The following NAV3 variants were observed in gnomAD, a reference collection of about 807,000 sequenced individuals.
The protein encoded by NAV3 is neuron navigator 3, also known as pore membrane and/or filament interacting like protein 1.
A neutral mutation model predicts 244.7 loss-of-function variants in NAV3; 87 were observed. The ratio of observed to expected loss-of-function variants is 0.36; its 90% CI spans 0.30 to 0.42. NAV3 has a LOEUF of 0.42. Ranked by LOEUF, NAV3 falls within the 20% of genes least tolerant of loss-of-function variation. The probability of loss-of-function intolerance (pLI) is 1.00; values close to 1 mark genes in which losing one functional copy is unlikely to be tolerated. For synonymous variants in NAV3, 1,126 were observed against 1,042.2 expected (o/e 1.08, Z -1.55); for missense variants, 2,663 against 2,893.3 (o/e 0.92, Z 1.83).
intron 22 of NAV3, among the ~76,000 whole-genome samples, chr12:78,154,321 A>ACTATATAATATATAATATATAT (rs1160585015): frequency 1.6e-5 from 1 of 63,650 alleles, no homozygotes; most frequent in East Asian, 6.9e-4. Flanking sequence ...TAGTATATAT[A>ACTATATAATATATAATATATAT]TAGTATATAT....
At chr12:78,042,967 T>C (rs1881134673) in intron 9 of NAV3, among the ~76,000 whole-genome samples, 1 of 152,062 alleles carries the variant, frequency 6.6e-6, no homozygotes, top group African/African-American at 2.4e-5. Context: ...AGTTCTGGGA[T>C]ACATGTGCAG....
intron 5 of NAV3, among the ~76,000 whole-genome samples, chr12:77,974,962 G>A (rs2136206650): frequency 6.6e-6 from 1 of 152,106 alleles, no homozygotes; most frequent in Non-Finnish European, 1.5e-5. Flanking sequence ...AAAACCTTAA[G>A]TCAACCTCAT....
At chr12:77,946,693 G>A (rs1890380682) in intron 3 of NAV3, among the ~76,000 whole-genome samples, 1 of 152,050 alleles carries the variant, frequency 6.6e-6, no homozygotes, top group Non-Finnish European at 1.5e-5. Flanking sequence ...AAATAAATTA[G>A]TAAACTATAA....
At chr12:77,851,087 A>G (rs1407380921) in intron 1 of NAV3, among the ~76,000 whole-genome samples, 1 of 152,172 alleles carries the variant, frequency 6.6e-6, no homozygotes, top group Non-Finnish European at 1.5e-5. Flanking sequence ...TGCTGTGGCT[A>G]TTCCATATTG....
At position 78,100,352 on chromosome 12, in the gene NAV3, A is replaced by AT. The variant is rs551681292; in HGVS notation, c.2637-16414dup. ...ATTATTCTTTGAGTCCTCTTGATGG[A>AT]TTTTTTCCCCCACACTTTCCCCAAA... is the stretch of plus-strand genomic sequence containing the variant. On this transcript the variant is annotated intron_variant, in intron 12 of 39. Transcript: ENST00000397909. 5.3e-4 allele frequency among the ~76,000 whole-genome samples: 80 copies of AT among 151,848 alleles called. 1 individual carries two copies. Among genetic ancestry groups the AT allele is most frequent in the Non-Finnish European group, 7.4e-4 (50 of 67,786 alleles).
chr12:77,946,667 G>A (rs1288371697), intron 3 of NAV3, among the ~76,000 whole-genome samples: 1 of 152,042 alleles, frequency 6.6e-6, no homozygotes, highest in Non-Finnish European at 1.5e-5. Context: ...CCCAACTTTG[G>A]TGAGCTTACA....
intron 2 of NAV3, among the ~76,000 whole-genome samples, chr12:77,596,543 T>C (rs1870177038): frequency 6.6e-6 from 1 of 152,178 alleles, no homozygotes; most frequent in African/African-American, 2.4e-5. Flanking sequence ...GAAATAGTTT[T>C]ATACAGGGTA....
At chr12:77,959,724 T>G (rs1891702442) in intron 3 of NAV3, among the ~76,000 whole-genome samples, 1 of 151,562 alleles carries the variant, frequency 6.6e-6, no homozygotes, top group African/African-American at 2.4e-5. Flanking sequence ...GGTAACAAAT[T>G]TTCCCCACAC....
chr12:77,615,554 C>G (rs1286651369), intron 2 of NAV3, among the ~76,000 whole-genome samples: 2 of 152,262 alleles, frequency 1.3e-5, no homozygotes, highest in African/African-American at 4.8e-5. Flanking sequence ...TGATTTCATT[C>G]CTTTTATGGT....
At chr12:77,598,507 T>C (rs369604168) in intron 2 of NAV3, among the ~76,000 whole-genome samples, 4 of 152,006 alleles carry the variant, frequency 2.6e-5, no homozygotes, top group South Asian at 2.1e-4. Flanking sequence ...TGTAGTAGGG[T>C]CTGATTGTCC....
chr12:78,142,174 G>T (rs1353206034), intron 20 of NAV3, among the ~76,000 whole-genome samples: 1 of 152,008 alleles, frequency 6.6e-6, no homozygotes. Flanking sequence ...CACTTTCCTA[G>T]ATTTGATCGT....
chr12:77,940,703 CT>C lies in NAV3; in HGVS notation c.361+269del, dbSNP rs1365580566. ...TGAATCGAACTGTCAGAAATGAATGCTTCATTAAACCATATGTCTCCCATGT... is the reference window on the plus strand; with the variant it reads ...TGAATCGAACTGTCAGAAATGAATGCTCATTAAACCATATGTCTCCCATGT... On this transcript the variant is annotated intron_variant, in intron 2 of 39. Transcript: ENST00000397909. Among the ~76,000 whole-genome samples, 3 of 152,172 alleles carry C rather than the reference CT, an allele frequency of 2.0e-5. No homozygotes were observed. In the East Asian group the frequency reaches 5.8e-4, roughly 29 times the overall value.
At chr12:78,196,411 A>C (rs1384973491) in intron 34 of NAV3, among the ~76,000 whole-genome samples, 3 of 152,052 alleles carry the variant, frequency 2.0e-5, no homozygotes, top group African/African-American at 7.2e-5. Flanking sequence ...GCCAGAAACC[A>C]AAATCATGGA....
Position 77,880,815 on chromosome 12 carries a change from G to A in NAV3, c.243+49111G>A, listed in dbSNP as rs77113999. On this transcript the variant is annotated intron_variant, in intron 1 of 39. Coordinates refer to ENST00000397909, the MANE Select transcript of NAV3 (RefSeq NM_001024383.2). ...ACGATAGCACATGTCACAGAGCCTC[G>A]GTGTGTAGTGGGCTGTTCCATCTAG... Among the ~76,000 whole-genome samples, 4 of 152,088 alleles carry A rather than the reference G, an allele frequency of 2.6e-5. No individual in the cohort carries two copies. In the East Asian group the frequency reaches 7.7e-4, roughly 29 times the overall value.
chr12:77,627,504 A>C (rs1871689364), intron 2 of NAV3, among the ~76,000 whole-genome samples: 1 of 152,208 alleles, frequency 6.6e-6, no homozygotes, highest in Non-Finnish European at 1.5e-5. Flanking sequence ...AGTTGGAAAA[A>C]GAGCAAATGG....
At chr12:78,052,498 A>T (rs1882905530) in intron 11 of NAV3, among the ~76,000 whole-genome samples, 1 of 152,168 alleles carries the variant, frequency 6.6e-6, no homozygotes, top group Non-Finnish European at 1.5e-5. Context: ...AAATTGTACC[A>T]TCTTCATGAA....
chr12:77,654,790 TC>T (rs1306817852), intron 2 of NAV3, among the ~76,000 whole-genome samples: 9 of 145,472 alleles, frequency 6.2e-5, no homozygotes, highest in African/African-American at 2.1e-4. Context: ...AGCAGCATAT[TC>T]GCGGTTCATG....
chr12:77,847,870 G>A (rs1351708083), intron 1 of NAV3, among the ~76,000 whole-genome samples: 2 of 152,158 alleles, frequency 1.3e-5, no homozygotes, highest in African/African-American at 4.8e-5. Context: ...CATCCAGCTG[G>A]TGCAGCTGCC....
At chr12:77,744,295 A>G (rs908038198) in intron 2 of NAV3, among the ~76,000 whole-genome samples, 6 of 152,026 alleles carry the variant, frequency 3.9e-5, no homozygotes, top group African/African-American at 1.4e-4. Flanking sequence ...TTTGACAATG[A>G]TGCCAAGGCA....
Sources: allele counts gnomAD v4.1 joint callset (sites outside exome capture counted in the v4.1 genomes callset), GRCh38; gene constraint gnomAD v4.1.1; transcripts MANE v1.5; gene names NCBI Gene and HGNC (gene_info 2026-07-23, HGNC 2026-07-21).